BARD1: variants seen among roughly 807,000 people sequenced by gnomAD.
BARD1 encodes the protein BRCA1 associated RING domain 1, also known as BRCA1-associated RING domain protein 1.
In BARD1, 73 loss-of-function variants were observed where a neutral mutation model predicts 77.0. That is an observed-to-expected ratio of 0.95 (90% CI 0.79 to 1.15). BARD1 has a LOEUF of 1.15. BARD1 is among the 50% of genes most tolerant of loss of function. The pLI, the probability that BARD1 is intolerant of heterozygous loss-of-function variation, is 0.00. For missense variants in BARD1, 993 were observed against 938.8 expected, an observed-to-expected ratio of 1.06 and a Z score of -0.75; for synonymous variants, 384 against 338.0, an observed-to-expected ratio of 1.14 and a Z score of -1.49.
rs77846133 is a variant in BARD1, at chr2:214,765,722, A to G, written c.1568+1760T>C. On this transcript the variant is annotated intron_variant, in intron 6 of 10. Transcript: ENST00000260947. ...CTTACAAAGAAATAGGTCCATGTAT[A>G]TGGAGACACACACAAACACGCACGT... Among the ~76,000 whole-genome samples, 225 of 152,274 alleles carry G rather than the reference A, an allele frequency of 1.5e-3. 1 individual carries two copies. The highest frequency in any genetic ancestry group is 5.2e-3 in the African/African-American group (218 of 41,566).
intron 6 of BARD1, among the ~76,000 whole-genome samples, chr2:214,763,397 T>A (rs527588965): frequency 2.8e-4 from 42 of 152,132 alleles, no homozygotes; most frequent in African/African-American, 1.0e-3. Context: ...GGCAGACAAC[T>A]GAGGGGATGA....
chr2:214,800,876 T>C (rs1429106153), intron 1 of BARD1, among the ~76,000 whole-genome samples: 2 of 152,192 alleles, frequency 1.3e-5, no homozygotes, highest in African/African-American at 2.4e-5. Context: ...ATTTTGTACT[T>C]TGAATTCTAC....
chr2:214,729,120 A>G (rs1692235934), intron 10 of BARD1, 112 bp from the exon 11 acceptor site: 1 of 1,278,600 alleles, frequency 7.8e-7, no homozygotes, highest in Non-Finnish European at 1.1e-6. Context: ...TACCTGAAAC[A>G]TTTGGAGGAG....
intron 4 of BARD1, among the ~76,000 whole-genome samples, chr2:214,779,768 C>G (rs965770159): frequency 6.6e-6 from 1 of 152,204 alleles, no homozygotes; most frequent in Admixed American, 6.5e-5. Context: ...TACGTACAGT[C>G]GCTGAGACTG....
Position 214,728,623 on chromosome 2 carries a change from G to T in BARD1, c.*53C>A. 6.5e-7 allele frequency: 1 copy of T among 1,544,058 alleles called. No individual in the cohort carries two copies. The highest frequency in any genetic ancestry group is 1.1e-5 in the South Asian group (1 of 88,696). On this transcript the variant is annotated 3_prime_UTR_variant, in exon 11 of 11. Transcript: ENST00000260947. ...GAACATTAAAAACAGTACAATGACT[G>T]GGCTCTCACAAACCGTGCAAATTCA...
At chr2:214,809,197 C>T (rs1249900904) in intron 1 of BARD1, among the ~76,000 whole-genome samples, 1 of 152,184 alleles carries the variant, frequency 6.6e-6, no homozygotes, top group Admixed American at 6.5e-5. Flanking sequence ...CAGTTGGATT[C>T]AGGGCAAGGG....
intron 10 of BARD1, 94 bp from the exon 11 acceptor site, chr2:214,729,102 A>C (rs1206163611): frequency 7.3e-7 from 1 of 1,369,740 alleles, no homozygotes; most frequent in Non-Finnish European, 1.0e-6. Context: ...TACAAGTTGA[A>C]TATCCCTTAC....
At chr2:214,750,991 T>C (rs1227673086) in intron 7 of BARD1, among the ~76,000 whole-genome samples, 2 of 151,244 alleles carry the variant, frequency 1.3e-5, no homozygotes, top group African/African-American at 4.9e-5. Context: ...GAAAAGGTTT[T>C]CTGTTACTGG....
rs191413452 is a variant in BARD1, at chr2:214,799,083, C to T, written c.159-1966G>A. Among the ~76,000 whole-genome samples, 348 of 152,188 alleles carry T rather than the reference C, an allele frequency of 2.3e-3. 5 individuals are homozygous for T. The highest frequency in any genetic ancestry group is 8.0e-3 in the African/African-American group (332 of 41,530). On this transcript the variant is annotated intron_variant, in intron 1 of 10. Coordinates refer to ENST00000260947, the MANE Select transcript of BARD1 (RefSeq NM_000465.4). ...ACTGAGCCAAGATTGAGCCACTGCA[C>T]TCCAGACTGGGTGACAGAGCGAGAC... is the stretch of plus-strand genomic sequence containing the variant.
intron 9 of BARD1, among the ~76,000 whole-genome samples, chr2:214,736,527 T>A (rs1345996326): frequency 2.0e-5 from 3 of 152,152 alleles, no homozygotes; most frequent in Non-Finnish European, 2.9e-5. Flanking sequence ...GAATGGCTAA[T>A]GTCTAATTGC....
chr2:214,773,510 G>A (rs13423846), intron 4 of BARD1, among the ~76,000 whole-genome samples: 13,588 of 152,052 alleles, frequency 0.089, 741 homozygotes, highest in African/African-American at 0.15. Flanking sequence ...TCAGTTCCAG[G>A]TCACTGCGAT....
chr2:214,774,195 T>A (rs977664742), intron 4 of BARD1, among the ~76,000 whole-genome samples: 2 of 152,188 alleles, frequency 1.3e-5, no homozygotes, highest in African/African-American at 4.8e-5. Context: ...CCTCTCAAAG[T>A]CATCCATGAA....
chr2:214,746,862 C>A lies in BARD1; in HGVS notation c.1678-1008G>T, dbSNP rs976295434. 1.1e-4 allele frequency among the ~76,000 whole-genome samples: 17 copies of A among 151,996 alleles called. No individual in the cohort carries two copies. The South Asian group carries it at 1.9e-3, about 17-fold the overall frequency. On this transcript the variant is annotated intron_variant, in intron 7 of 10. Transcript: ENST00000260947. ...AAGCCAAAATTGACAAATGGGATCT[C>A]ATTAAACTAAAGAGCTTCTGCACAG...
At chr2:214,750,806 T>C (rs1180454751) in intron 7 of BARD1, among the ~76,000 whole-genome samples, 1 of 151,944 alleles carries the variant, frequency 6.6e-6, no homozygotes, top group Non-Finnish European at 1.5e-5. Flanking sequence ...TCGACAACCA[T>C]TAAAGGAAAC....
intron 7 of BARD1, among the ~76,000 whole-genome samples, chr2:214,751,875 TAACA>T (rs1438014379): frequency 6.6e-6 from 1 of 152,188 alleles, no homozygotes; most frequent in Non-Finnish European, 1.5e-5. Context: ...TCTCCAGCAA[TAACA>T]AACTTCTTTC....
chr2:214,746,451 G>A (rs1693121208), intron 7 of BARD1, among the ~76,000 whole-genome samples: 1 of 152,110 alleles, frequency 6.6e-6, no homozygotes, highest in Admixed American at 6.5e-5. Context: ...AGAAAGAAGT[G>A]CTGTAACAAA....
intron 3 of BARD1, among the ~76,000 whole-genome samples, chr2:214,783,278 A>C (rs1174784721): frequency 6.6e-6 from 1 of 152,178 alleles, no homozygotes; most frequent in African/African-American, 2.4e-5. Flanking sequence ...TAGTAAGTTT[A>C]AGGAATTAAA....
At chr2:214,808,618 A>T (rs1349494039) in intron 1 of BARD1, among the ~76,000 whole-genome samples, 1 of 152,254 alleles carries the variant, frequency 6.6e-6, no homozygotes, top group Non-Finnish European at 1.5e-5. Context: ...GCTTTTCAGA[A>T]GAAATGAAAA....
At chr2:214,733,769 T>C (rs1692454080) in intron 9 of BARD1, among the ~76,000 whole-genome samples, 1 of 152,148 alleles carries the variant, frequency 6.6e-6, no homozygotes, top group South Asian at 2.1e-4. Flanking sequence ...TAAAATTACA[T>C]CCATGTTTTA....
Sources: allele counts gnomAD v4.1 joint callset (sites outside exome capture counted in the v4.1 genomes callset), GRCh38; gene constraint gnomAD v4.1.1; transcripts MANE v1.5; gene names NCBI Gene and HGNC (gene_info 2026-07-23, HGNC 2026-07-21).